NKAIN2: variants seen among roughly 807,000 people sequenced by gnomAD.
NKAIN2 encodes sodium/potassium-transporting ATPase subunit beta-1-interacting protein 2.
A neutral mutation model predicts 32.6 loss-of-function variants in NKAIN2; 14 were observed. That is an observed-to-expected ratio of 0.43 (90% CI 0.28 to 0.67). NKAIN2 has a LOEUF of 0.67. Ranked by LOEUF, NKAIN2 falls within the 30% of genes least tolerant of loss-of-function variation. The pLI, the probability that NKAIN2 is intolerant of heterozygous loss-of-function variation, is 0.17. For missense variants in NKAIN2, 198 were observed against 258.3 expected, an observed-to-expected ratio of 0.77 and a Z score of 1.60; for synonymous variants, 80 against 87.2, an observed-to-expected ratio of 0.92 and a Z score of 0.46.
chr6:124,105,092 C>T (rs911792211), intron 1 of NKAIN2, among the ~76,000 whole-genome samples: 2 of 152,162 alleles, frequency 1.3e-5, no homozygotes, highest in Non-Finnish European at 2.9e-5. Context: ...TGAAGTCTGT[C>T]ATAGTCAGCA....
At chr6:124,355,141 G>A in intron 2 of NKAIN2, 126 bp from the exon 3 acceptor site, 6 of 624,362 alleles carry the variant, frequency 9.6e-6, no homozygotes, top group South Asian at 4.2e-5. Context: ...CTGTTCCTTA[G>A]AGAGAAGCAA....
chr6:124,732,097 A>G (rs961822316), intron 4 of NKAIN2, among the ~76,000 whole-genome samples: 1 of 152,066 alleles, frequency 6.6e-6, no homozygotes, highest in African/African-American at 2.4e-5. Flanking sequence ...TAAAGAATTT[A>G]TCATGAAAAT....
chr6:124,460,750 CTT>C (rs1227943453), intron 3 of NKAIN2, among the ~76,000 whole-genome samples: 1 of 151,590 alleles, frequency 6.6e-6, no homozygotes, highest in Admixed American at 6.6e-5. Flanking sequence ...AACTTGAAGA[CTT>C]ATGTCTTTCT....
At chr6:124,026,616 T>C (rs946256363) in intron 1 of NKAIN2, among the ~76,000 whole-genome samples, 1 of 152,174 alleles carries the variant, frequency 6.6e-6, no homozygotes, top group African/African-American at 2.4e-5. Context: ...TCATCATCAA[T>C]CATTGCTTTC....
intron 1 of NKAIN2, among the ~76,000 whole-genome samples, chr6:123,837,900 G>T (rs1774699162): frequency 6.6e-6 from 1 of 152,138 alleles, no homozygotes; most frequent in African/African-American, 2.4e-5. Flanking sequence ...GGAATTAGTT[G>T]CACAGATTGT....
intron 1 of NKAIN2, among the ~76,000 whole-genome samples, chr6:124,044,878 C>A (rs944512174): frequency 6.6e-6 from 1 of 151,834 alleles, no homozygotes; most frequent in Non-Finnish European, 1.5e-5. Context: ...CAGAAAACTT[C>A]TTTTTAATAG....
intron 1 of NKAIN2, among the ~76,000 whole-genome samples, chr6:124,002,872 C>T (rs558677700): frequency 2.0e-5 from 3 of 152,314 alleles, no homozygotes; most frequent in African/African-American, 7.2e-5. Context: ...GAACTGCCCA[C>T]ACTGTGTTCT....
chr6:124,462,437 C>T (rs1776569694), intron 3 of NKAIN2, among the ~76,000 whole-genome samples: 1 of 151,806 alleles, frequency 6.6e-6, no homozygotes, highest in Non-Finnish European at 1.5e-5. Flanking sequence ...ACCTCTCATC[C>T]TTTTTTCAAA....
chr6:124,068,743 A>T (rs1006921534), intron 1 of NKAIN2, among the ~76,000 whole-genome samples: 1 of 150,590 alleles, frequency 6.6e-6, no homozygotes, highest in Non-Finnish European at 1.5e-5. Context: ...TTGAAGGATA[A>T]TTTAATTATA....
intron 3 of NKAIN2, among the ~76,000 whole-genome samples, chr6:124,652,356 G>T (rs1784396636): frequency 6.6e-6 from 1 of 152,138 alleles, no homozygotes; most frequent in South Asian, 2.1e-4. Context: ...TTTCCCTGTA[G>T]CTCTCCTTCT....
At chr6:124,137,505 A>G (rs531060040) in intron 1 of NKAIN2, among the ~76,000 whole-genome samples, 1 of 152,254 alleles carries the variant, frequency 6.6e-6, no homozygotes, top group African/African-American at 2.4e-5. Flanking sequence ...ACTAGGAAAA[A>G]AAACTATTCT....
At chr6:124,669,912 T>C (rs1328541442) in intron 4 of NKAIN2, among the ~76,000 whole-genome samples, 6 of 152,030 alleles carry the variant, frequency 3.9e-5, no homozygotes, top group African/African-American at 9.7e-5. Flanking sequence ...CCCTCTCAAG[T>C]CTTCCCCTTT....
At chr6:124,496,724 A>G (rs757020755) in intron 3 of NKAIN2, among the ~76,000 whole-genome samples, 2 of 152,170 alleles carry the variant, frequency 1.3e-5, no homozygotes, top group Non-Finnish European at 2.9e-5. Context: ...AGGAATACAT[A>G]GCATATCATC....
chr6:124,258,245 C>G (rs1002188212), intron 1 of NKAIN2, among the ~76,000 whole-genome samples: 9 of 151,814 alleles, frequency 5.9e-5, no homozygotes, highest in Non-Finnish European at 1.3e-4. Flanking sequence ...CAGCATGGTT[C>G]CAAAGCCTGC....
chr6:124,658,466 G>C (rs995088833), intron 4 of NKAIN2, 80 bp downstream of exon 4: 16 of 1,603,944 alleles, frequency 1.0e-5, no homozygotes, highest in Admixed American at 1.7e-5. Context: ...CACACAAATG[G>C]AATCTGTGGG....
chr6:124,389,455 G>C (rs893211321), intron 3 of NKAIN2, among the ~76,000 whole-genome samples: 9 of 152,056 alleles, frequency 5.9e-5, no homozygotes, highest in African/African-American at 2.2e-4. Context: ...TACTTGATAA[G>C]GGTTTACTAA....
intron 1 of NKAIN2, among the ~76,000 whole-genome samples, chr6:124,237,236 A>G (rs1582900939): frequency 6.6e-6 from 1 of 152,314 alleles, no homozygotes; most frequent in African/African-American, 2.4e-5. Context: ...CATAGAATTT[A>G]GGAAACTTGC....
chr6:124,479,359 G>C (rs990688430), intron 3 of NKAIN2, among the ~76,000 whole-genome samples: 1 of 152,116 alleles, frequency 6.6e-6, no homozygotes, highest in Non-Finnish European at 1.5e-5. Flanking sequence ...TGGGTATATG[G>C]CAACTCTCTG....
In NKAIN2 at chr6:124,355,290, G is replaced by T; in HGVS notation, c.216G>T (p.Trp72Cys). 1 of 1,609,218 alleles carries T rather than the reference G, an allele frequency of 6.2e-7. No individual in the cohort carries two copies. Among genetic ancestry groups the T allele is most frequent in the Non-Finnish European group, 8.5e-7 (1 of 1,175,730 alleles). Residue 72 changes from tryptophan (W) to cysteine (C), a missense_variant, in exon 3 of 7, where the codon TGG (tryptophan) becomes TGT (cysteine). Physicochemically the swap from Trp to Cys is radical, Grantham distance 215. Coordinates refer to ENST00000368417, the MANE Select transcript of NKAIN2 (RefSeq NM_001040214.3). ...ITGYAVWLVL[W>C]VTWNVFVICF... is the part of the protein sequence containing the mutation. Reference sequence around the variant, plus strand: ...AGTATGCTGTCTGGCTAGTCCTCTGGGTTACGTGGAATGTGTTTGTTATCT... The same window carrying T: ...AGTATGCTGTCTGGCTAGTCCTCTGTGTTACGTGGAATGTGTTTGTTATCT...
Sources: allele counts gnomAD v4.1 joint callset (sites outside exome capture counted in the v4.1 genomes callset), GRCh38; gene constraint gnomAD v4.1.1; transcripts MANE v1.5; gene names NCBI Gene and HGNC (gene_info 2026-07-23, HGNC 2026-07-21).